DLGAP2: variants seen among roughly 807,000 people sequenced by gnomAD.
DLGAP2 encodes the protein disks large-associated protein 2.
A neutral mutation model predicts 100.3 loss-of-function variants in DLGAP2; 26 were observed. The ratio of observed to expected loss-of-function variants is 0.26; its 90% CI spans 0.19 to 0.36. The LOEUF is 0.36. DLGAP2 is among the 10% of genes least tolerant of loss of function. DLGAP2 has a pLI of 1.00. For missense variants in DLGAP2, 1,858 were observed against 1,453.2 expected (o/e 1.28, Z -4.53); for synonymous variants, 886 against 630.1 (o/e 1.41, Z -6.08).
chr8:1,106,631 G>A (rs907355564), intron 2 of DLGAP2, among the ~76,000 whole-genome samples: 3 of 150,168 alleles, frequency 2.0e-5, no homozygotes, highest in Non-Finnish European at 4.5e-5. Context: ...TTCTATTGAA[G>A]GGAGCCATTC....
At chr8:1,231,746 T>C (rs190779734) in intron 2 of DLGAP2, among the ~76,000 whole-genome samples, 350 of 152,262 alleles carry the variant, frequency 2.3e-3, no homozygotes, top group African/African-American at 8.1e-3. Flanking sequence ...AAATAGTGAA[T>C]GTTCTCATTT....
chr8:1,519,252 G>A (rs1008435301), intron 4 of DLGAP2, among the ~76,000 whole-genome samples: 11 of 152,156 alleles, frequency 7.2e-5, no homozygotes, highest in African/African-American at 2.4e-4. Flanking sequence ...TTACGCAGCG[G>A]CATGTCCCAT....
chr8:1,301,206 C>G (rs1366489121), intron 3 of DLGAP2: 4 of 152,350 alleles, frequency 2.6e-5, no homozygotes, highest in African/African-American at 7.2e-5. Flanking sequence ...TGAGGTCCTT[C>G]TCCCATCGAT....
intron 3 of DLGAP2, among the ~76,000 whole-genome samples, chr8:1,281,346 C>T (rs1799809915): frequency 1.3e-5 from 2 of 152,200 alleles, no homozygotes; most frequent in African/African-American, 4.8e-5. Flanking sequence ...AAGGCAGCCT[C>T]TTGGTGGCTT....
intron 2 of DLGAP2, among the ~76,000 whole-genome samples, chr8:1,175,542 A>G (rs1310001281): frequency 6.6e-6 from 1 of 152,186 alleles, no homozygotes; most frequent in Non-Finnish European, 1.5e-5. Flanking sequence ...TGGAAGGGAG[A>G]ACATTGTGTT....
intron 7 of DLGAP2, among the ~76,000 whole-genome samples, chr8:1,631,226 A>T (rs1585014669): frequency 6.6e-6 from 1 of 152,006 alleles, no homozygotes. Flanking sequence ...CCTTGCTGAG[A>T]TGCCAGCTTC....
intron 2 of DLGAP2, among the ~76,000 whole-genome samples, chr8:1,174,229 C>A (rs1443979547): frequency 2.6e-5 from 4 of 152,122 alleles, no homozygotes; most frequent in African/African-American, 9.7e-5. Context: ...TGCTATTCTG[C>A]AGGGAATGTG....
At chr8:1,352,323 A>T (rs1213266549) in intron 3 of DLGAP2, among the ~76,000 whole-genome samples, 3 of 150,370 alleles carry the variant, frequency 2.0e-5, no homozygotes, top group African/African-American at 7.4e-5. Flanking sequence ...GCGGGTCCTG[A>T]GTGTGTGTGG....
intron 2 of DLGAP2, among the ~76,000 whole-genome samples, chr8:969,536 C>A (rs1252727897): frequency 4.2e-5 from 6 of 141,288 alleles, no homozygotes; most frequent in African/African-American, 1.2e-4. Flanking sequence ...TCTTGTGTGC[C>A]AGTTAGAAAA....
chr8:1,541,308 G>A (rs1264911466), intron 4 of DLGAP2, among the ~76,000 whole-genome samples: 2 of 152,146 alleles, frequency 1.3e-5, no homozygotes, highest in Non-Finnish European at 1.5e-5. Flanking sequence ...ATTCTGCTAA[G>A]TATACAGCAT....
In DLGAP2 at chr8:861,111, C is replaced by T. The variant is rs185459955; in HGVS notation, c.19-46801C>T. Among the ~76,000 whole-genome samples, 441 of 152,154 alleles carry T rather than the reference C, an allele frequency of 2.9e-3. 3 individuals carry two copies. The highest frequency in any genetic ancestry group is 0.01 in the African/African-American group (418 of 41,500). On this transcript the variant is annotated intron_variant, in intron 1 of 14. Transcript: ENST00000637795. Reference sequence around the variant, plus strand: ...CAGTGAGGTGGGAGGCAGCCGGGACCGGGTGGTGCAGGGCTCAATCTGGGA... The same window carrying T: ...CAGTGAGGTGGGAGGCAGCCGGGACTGGGTGGTGCAGGGCTCAATCTGGGA...
chr8:1,023,857 ATGTGTG>A (rs149206104), intron 2 of DLGAP2, among the ~76,000 whole-genome samples: 4,075 of 128,914 alleles, frequency 0.032, 177 homozygotes, highest in African/African-American at 0.1. Context: ...AACTTTATAT[ATGTGTG>A]TGTGTGTGTG....
intron 2 of DLGAP2, among the ~76,000 whole-genome samples, chr8:975,461 C>A (rs1800138662): frequency 6.6e-6 from 1 of 152,094 alleles, no homozygotes; most frequent in South Asian, 2.1e-4. Flanking sequence ...TCACTGCAGA[C>A]CAGTATTTCT....
chr8:1,618,578 C>G (rs1490532350), intron 6 of DLGAP2, among the ~76,000 whole-genome samples: 3 of 152,102 alleles, frequency 2.0e-5, no homozygotes, highest in Admixed American at 2.0e-4. Flanking sequence ...TGTGAAGAAC[C>G]TAGAAGTGCC....
chr8:907,778 T>C (rs1462064353), intron 1 of DLGAP2, 134 bp from the exon 2 acceptor site: 1 of 392,954 alleles, frequency 2.5e-6, no homozygotes, highest in Non-Finnish European at 4.5e-6. Flanking sequence ...TTTAATTTGT[T>C]AGGCCTTTCT....
intron 3 of DLGAP2, among the ~76,000 whole-genome samples, chr8:1,302,786 C>G (rs1433067035): frequency 6.6e-6 from 1 of 152,264 alleles, no homozygotes; most frequent in Non-Finnish European, 1.5e-5. Context: ...GCGACCTTGC[C>G]CAGAGCTTGG....
intron 10 of DLGAP2, among the ~76,000 whole-genome samples, chr8:1,669,998 C>T (rs552127302): frequency 3.3e-5 from 5 of 152,254 alleles, no homozygotes; most frequent in East Asian, 1.9e-4. Flanking sequence ...TGGGCTCCGG[C>T]GCCGGTAAGC....
intron 1 of DLGAP2, among the ~76,000 whole-genome samples, chr8:792,082 T>C (rs1046925050): frequency 6.6e-6 from 1 of 152,268 alleles, no homozygotes; most frequent in Non-Finnish European, 1.5e-5. Context: ...CAGCCTTTCA[T>C]GTTTTCTACT....
In DLGAP2 at chr8:1,435,583, T is replaced by C. The variant is rs747267729; in HGVS notation, c.107-65783T>C. Among the ~76,000 whole-genome samples the C allele has an allele frequency of 3.7e-4, 57 of 152,226 alleles. 1 individual carries two copies. Among genetic ancestry groups the C allele is most frequent in the Middle Eastern group, 3.4e-3 (1 of 294 alleles). On this transcript the variant is annotated intron_variant, in intron 3 of 14. Transcript: ENST00000637795. ...TGGTGCTGACAGACGACCATGTTGC[T>C]GGTTTATGCATCTGGGATACTGTAC...
Sources: gnomAD v4.1 joint callset for allele counts (sites outside exome capture counted in the v4.1 genomes callset) on GRCh38, gnomAD v4.1.1 for gene constraint, MANE v1.5 for transcripts, NCBI Gene and HGNC (gene_info 2026-07-23, HGNC 2026-07-21) for gene names.